GRIK2: variants seen among roughly 807,000 people sequenced by gnomAD.
GRIK2 encodes glutamate ionotropic receptor kainate type subunit 2.
A neutral mutation model predicts 100.3 loss-of-function variants in GRIK2; 32 were observed. That is an observed-to-expected ratio of 0.32 (90% CI 0.24 to 0.43). GRIK2 has a LOEUF of 0.43. Among genes scored for constraint, GRIK2 ranks in the 20% least tolerant of loss-of-function variants. GRIK2 has a pLI of 1.00. For missense variants in GRIK2, 843 were observed against 1,114.9 expected, an observed-to-expected ratio of 0.76 and a Z score of 3.47; for synonymous variants, 417 against 389.4, an observed-to-expected ratio of 1.07 and a Z score of -0.83.
chr6:101,644,883 A>C (rs1781445345), intron 4 of GRIK2, among the ~76,000 whole-genome samples: 1 of 151,796 alleles, frequency 6.6e-6, no homozygotes, highest in South Asian at 2.1e-4. Flanking sequence ...AAAGTACTGA[A>C]ATATTTCTTG....
chr6:101,944,385 A>G (rs1791143799), intron 14 of GRIK2, among the ~76,000 whole-genome samples: 1 of 152,222 alleles, frequency 6.6e-6, no homozygotes, highest in South Asian at 2.1e-4. Flanking sequence ...AGTGTCATAG[A>G]CACAGTTGTT....
chr6:101,854,460 A>G (rs1171940387), intron 10 of GRIK2, among the ~76,000 whole-genome samples: 2 of 152,044 alleles, frequency 1.3e-5, no homozygotes, highest in African/African-American at 2.4e-5. Flanking sequence ...GAGTTTCACC[A>G]TGTTGGCCAG....
intron 12 of GRIK2, among the ~76,000 whole-genome samples, chr6:101,913,459 A>T (rs1488844999): frequency 6.6e-6 from 1 of 151,604 alleles, no homozygotes; most frequent in African/African-American, 2.4e-5. Context: ...TTGAGCACTT[A>T]TTCTATTTTC....
intron 7 of GRIK2, among the ~76,000 whole-genome samples, chr6:101,776,785 T>C (rs1251709336): frequency 6.6e-6 from 1 of 152,184 alleles, no homozygotes; most frequent in Non-Finnish European, 1.5e-5. Flanking sequence ...ACATAACACA[T>C]TGTGTAGGGA....
intron 10 of GRIK2, among the ~76,000 whole-genome samples, chr6:101,836,073 T>C (rs1041025202): frequency 6.6e-6 from 1 of 151,234 alleles, no homozygotes; most frequent in African/African-American, 2.4e-5. Flanking sequence ...TAGGTTGAAT[T>C]TTTGGGGAGG....
intron 14 of GRIK2, among the ~76,000 whole-genome samples, chr6:101,959,638 G>A (rs941498913): frequency 1.3e-5 from 2 of 152,050 alleles, no homozygotes; most frequent in Admixed American, 6.5e-5. Context: ...GGTTTGGTCT[G>A]CTCTTGAATT....
chr6:101,732,459 A>C (rs1775341631), intron 7 of GRIK2, among the ~76,000 whole-genome samples: 1 of 151,988 alleles, frequency 6.6e-6, no homozygotes, highest in Admixed American at 6.6e-5. Flanking sequence ...TACTATTTTA[A>C]GGGTTAGTTT....
intron 7 of GRIK2, among the ~76,000 whole-genome samples, chr6:101,733,202 A>T (rs1227605705): frequency 6.6e-6 from 1 of 152,128 alleles, no homozygotes; most frequent in Non-Finnish European, 1.5e-5. Flanking sequence ...TCAGAGTCTC[A>T]TCTAAATACT....
At chr6:101,917,692 A>T (rs1403954058) in intron 12 of GRIK2, among the ~76,000 whole-genome samples, 2 of 151,420 alleles carry the variant, frequency 1.3e-5, no homozygotes, top group African/African-American at 4.8e-5. Flanking sequence ...ACCACTCCTT[A>T]GCAAATAGTA....
chr6:101,689,356 C>A (rs984029085), intron 7 of GRIK2, among the ~76,000 whole-genome samples: 3 of 152,154 alleles, frequency 2.0e-5, no homozygotes, highest in Non-Finnish European at 2.9e-5. Flanking sequence ...GTATCATAAT[C>A]ATTTGCCATT....
intron 7 of GRIK2, among the ~76,000 whole-genome samples, chr6:101,793,744 C>T (rs1780072169): frequency 6.6e-6 from 1 of 152,158 alleles, no homozygotes; most frequent in African/African-American, 2.4e-5. Context: ...TCAAAGCTGT[C>T]AGACAGGGAC....
chr6:101,472,057 A>G (rs1771974780), intron 2 of GRIK2, among the ~76,000 whole-genome samples: 1 of 151,760 alleles, frequency 6.6e-6, no homozygotes, highest in African/African-American at 2.4e-5. Flanking sequence ...ATTGCTAAAC[A>G]TTTTTATGGT....
chr6:101,537,925 G>A lies in GRIK2; in HGVS notation c.116-84024G>A, dbSNP rs113988479. Among the ~76,000 whole-genome samples the A allele has an allele frequency of 7.8e-3, 1,179 of 151,826 alleles. 12 individuals carry two copies. Among genetic ancestry groups the A allele is most frequent in the African/African-American group, 0.027 (1,105 of 41,488 alleles). On this transcript the variant is annotated intron_variant, in intron 2 of 16. Transcript: ENST00000369134. ...TAAAACCATCTGCATAGTATTGTTT[G>A]CAAGAAGTATTCCGAAATATGATGG...
At chr6:101,970,200 A>G (rs1190867744) in intron 14 of GRIK2, among the ~76,000 whole-genome samples, 1 of 133,692 alleles carries the variant, frequency 7.5e-6, no homozygotes, top group Non-Finnish European at 1.6e-5. Context: ...AAAGGGCCAG[A>G]GTAATGATTT....
chr6:101,975,793 G>GTCTGTCTGTCTA (rs1793328591), intron 14 of GRIK2, among the ~76,000 whole-genome samples: 3 of 96,936 alleles, frequency 3.1e-5, no homozygotes, highest in African/African-American at 1.1e-4. Context: ...CTGTCTGTCT[G>GTCTGTCTGTCTA]TCTATCTATC....
At chr6:101,996,035 C>G (rs1254542466) in intron 14 of GRIK2, among the ~76,000 whole-genome samples, 1 of 151,886 alleles carries the variant, frequency 6.6e-6, no homozygotes, top group African/African-American at 2.4e-5. Flanking sequence ...GACTAAAAAT[C>G]CACCGTGAGC....
chr6:101,716,237 G>C (rs537472012), intron 7 of GRIK2, among the ~76,000 whole-genome samples: 21 of 151,718 alleles, frequency 1.4e-4, no homozygotes, highest in East Asian at 3.9e-4. Context: ...AAAGGGAAAA[G>C]GGGAAATCTG....
intron 16 of GRIK2, among the ~76,000 whole-genome samples, chr6:102,061,861 C>T (rs1353656688): frequency 6.7e-6 from 1 of 150,092 alleles, no homozygotes; most frequent in Non-Finnish European, 1.5e-5. Flanking sequence ...AACTGCCACA[C>T]CTTATGAAAA....
chr6:101,660,631 T>G (rs1306213245), intron 4 of GRIK2, among the ~76,000 whole-genome samples: 1 of 152,212 alleles, frequency 6.6e-6, no homozygotes, highest in Non-Finnish European at 1.5e-5. Context: ...TGGTGTCTGA[T>G]GTTGGTGACC....
Sources: allele counts gnomAD v4.1 joint callset (sites outside exome capture counted in the v4.1 genomes callset), GRCh38; gene constraint gnomAD v4.1.1; transcripts MANE v1.5; gene names NCBI Gene and HGNC (gene_info 2026-07-23, HGNC 2026-07-21).